The following MYOM1 variants were observed in gnomAD, a reference collection of about 807,000 sequenced individuals.
MYOM1 encodes myomesin-1.
In MYOM1, 164 loss-of-function variants were observed where a neutral mutation model predicts 205.3. The ratio of observed to expected loss-of-function variants is 0.80; its 90% CI spans 0.70 to 0.91. The LOEUF (loss-of-function observed/expected upper bound fraction) is 0.91. Among genes scored for constraint, MYOM1 ranks in the 40% least tolerant of loss-of-function variants. The pLI, the probability that MYOM1 is intolerant of heterozygous loss-of-function variation, is 0.00. For missense variants in MYOM1, 2,011 were observed against 2,127.3 expected, an observed-to-expected ratio of 0.95 and a Z score of 1.08; for synonymous variants, 772 against 789.4, an observed-to-expected ratio of 0.98 and a Z score of 0.37.
intron 13 of MYOM1, among the ~76,000 whole-genome samples, 165 bp downstream of exon 13, chr18:3,148,980 A>T (rs955529373): frequency 6.6e-6 from 1 of 152,090 alleles, no homozygotes; most frequent in Non-Finnish European, 1.5e-5. Flanking sequence ...AGAAAGCTTT[A>T]AAAATAAAAT....
At chr18:3,230,676 C>T in the MYOM1 span, among the ~76,000 whole-genome samples, 11 of 152,196 alleles carry the variant, frequency 7.2e-5, no homozygotes, top group Non-Finnish European at 1.2e-4. Flanking sequence ...CTTCCTTTAC[C>T]TAGGGTGTAC....
chr18:3,162,569 C>A (rs1209976485), intron 10 of MYOM1, among the ~76,000 whole-genome samples: 1 of 152,134 alleles, frequency 6.6e-6, no homozygotes, highest in Admixed American at 6.5e-5. Flanking sequence ...ACATTGTTTT[C>A]TTGTGCCTCT....
chr18:3,100,300 T>C lies in MYOM1; in HGVS notation c.3682+20A>G. The stretch of plus-strand genomic sequence containing the variant: ...TTCAAAGCAACATTCGATGTGTGAA[T>C]GCACTGATTTTAAACTTACCTTCCT... On this transcript the variant is annotated intron_variant, in intron 24 of 37. Coordinates refer to ENST00000356443, the MANE Select transcript of MYOM1 (RefSeq NM_003803.4). The C allele has an allele frequency of 6.2e-7, 1 of 1,612,340 alleles. No individual in the cohort carries two copies.
Position 3,067,309 on chromosome 18 carries a change from T to C in MYOM1, c.5011A>G (p.Arg1671Gly). The C allele has an allele frequency of 6.2e-7, 1 of 1,611,240 alleles. No individual in the cohort carries two copies. Among genetic ancestry groups the C allele is most frequent in the Non-Finnish European group, 8.5e-7 (1 of 1,179,524 alleles). Residue 1671 changes from arginine to glycine, a missense_variant, in exon 38 of 38, where the codon AGG (arginine) becomes GGG (glycine). Arg to Gly is a moderately radical substitution (Grantham distance 125, BLOSUM62 -2). Coordinates refer to ENST00000356443, the MANE Select transcript of MYOM1 (RefSeq NM_003803.4). Reference protein sequence around the residue: ...VSVFIPEEEARMAALESLKGG... With the variant: ...VSVFIPEEEAGMAALESLKGG... ...TTCAGGGACTCCAAGGCGGCCATCC[T>C]CGCCTCCTCCTCTGGGATGAACACG...
chr18:3,136,378 C>T (rs903739157), intron 14 of MYOM1, among the ~76,000 whole-genome samples: 1 of 151,794 alleles, frequency 6.6e-6, no homozygotes, highest in Admixed American at 6.6e-5. Context: ...TTTTGAGGAT[C>T]GTTTGGGGTC....
At chr18:3,067,591 A>C in intron 37 of MYOM1, 36 bp from the exon 38 acceptor site, 2 of 1,590,582 alleles carry the variant, frequency 1.3e-6, no homozygotes, top group Non-Finnish European at 1.7e-6. Flanking sequence ...AAGAAGATAA[A>C]TTAGATGTAA....
At position 3,141,919 on chromosome 18, in the gene MYOM1, T is replaced by A. The variant is rs1025175403; in HGVS notation, c.2025+20A>T. On this transcript the variant is annotated intron_variant, in intron 14 of 37. Coordinates refer to ENST00000356443, the MANE Select transcript of MYOM1 (RefSeq NM_003803.4). ...ATCCTTAGGAGGTAGTATGAGGTCA[T>A]GTTGATTCTAGAGTCTTACCTTTTC... 2 of 1,613,170 alleles carry A rather than the reference T, an allele frequency of 1.2e-6. No individual in the cohort carries two copies. Among genetic ancestry groups the A allele is most frequent in the African/African-American group, 2.7e-5 (2 of 74,922 alleles).
At chr18:3,187,794 G>C (rs2080840314) in intron 4 of MYOM1, among the ~76,000 whole-genome samples, 157 bp from the exon 5 acceptor site, 2 of 151,058 alleles carry the variant, frequency 1.3e-5, no homozygotes, top group Non-Finnish European at 2.9e-5. Flanking sequence ...TCCCTTTTAA[G>C]AACAGAGGTA....
At position 3,188,993 on chromosome 18, in the gene MYOM1, C is replaced by G. The variant is rs1459496752; in HGVS notation, c.526G>C (p.Glu176Gln). Residue 176 changes from glutamate (E) to glutamine (Q), a missense_variant, in exon 4 of 38, where the codon GAA becomes CAA. Transcript: ENST00000356443. ...IAQRNLLASEEGITTSKQSTA... is the reference protein window; with the variant it reads ...IAQRNLLASEQGITTSKQSTA... Reference sequence around the variant, plus strand: ...GACTGTTTAGATGTTGTGATTCCTTCCTCACTAGCAAGAAGATTCCTCTGG... The same window carrying G: ...GACTGTTTAGATGTTGTGATTCCTTGCTCACTAGCAAGAAGATTCCTCTGG... The G allele has an allele frequency of 6.2e-7, 1 of 1,613,460 alleles. No homozygotes were observed. The highest frequency in any genetic ancestry group is 1.7e-5 in the Admixed American group (1 of 59,940).
At chr18:3,075,633 G>A in intron 35 of MYOM1, 92 bp downstream of exon 35, 1 of 1,457,518 alleles carries the variant, frequency 6.9e-7, no homozygotes, top group Non-Finnish European at 9.6e-7. Flanking sequence ...TGAAATAAAA[G>A]GCTCTTTCTA....
At chr18:3,192,309 T>G (rs1405693183) in intron 3 of MYOM1, among the ~76,000 whole-genome samples, 1 of 152,168 alleles carries the variant, frequency 6.6e-6, no homozygotes, top group African/African-American at 2.4e-5. Context: ...GCATCCATAC[T>G]TAGCAGTGAA....
At chr18:3,136,142 G>T (rs938250321) in intron 14 of MYOM1, among the ~76,000 whole-genome samples, 5 of 152,064 alleles carry the variant, frequency 3.3e-5, no homozygotes, top group Non-Finnish European at 7.4e-5. Flanking sequence ...CTGCCACCGT[G>T]TAAGACGTGC....
the MYOM1 span, among the ~76,000 whole-genome samples, chr18:3,241,676 C>A: frequency 6.6e-6 from 1 of 152,216 alleles, no homozygotes; most frequent in Non-Finnish European, 1.5e-5. Context: ...GAGAAGAGGA[C>A]CACTGTCCTC....
Position 3,215,060 on chromosome 18 carries a change from C to T in MYOM1, c.164G>A (p.Arg55His). 5 of 1,613,378 alleles carry T rather than the reference C, an allele frequency of 3.1e-6. No individual in the cohort carries two copies. The highest frequency in any genetic ancestry group is 4.2e-6 in the Non-Finnish European group (5 of 1,179,752). ...CCGACGGAAGGCCTCGGACTCCCGG[C>T]GGTGCGCGGCGGAGGAGCGGCTGCT... ...AYSSRSSAAHRRESEAFRRAS... is the reference protein window; with the variant it reads ...AYSSRSSAAHHRESEAFRRAS... The change falls in exon 2 of 38, where the codon CGC (arginine) becomes CAC (histidine). Residue 55 changes from arginine (R) to histidine (H), a missense_variant. Arg to His is a conservative substitution (Grantham distance 29). Transcript: ENST00000356443.
intron 2 of MYOM1, among the ~76,000 whole-genome samples, chr18:3,198,620 C>A (rs930223613): frequency 2.6e-5 from 4 of 151,954 alleles, no homozygotes; most frequent in Admixed American, 2.6e-4. Flanking sequence ...CCCGTCTCTA[C>A]TAAAAATACA....
chr18:3,224,056 G>A (rs1445134128), upstream of MYOM1, among the ~76,000 whole-genome samples: 25 of 149,176 alleles, frequency 1.7e-4, no homozygotes, highest in Non-Finnish European at 3.3e-4. Context: ...TGAGACACAG[G>A]CTCACTGTGT....
chr18:3,094,394 ACC>A (rs2079271540), intron 25 of MYOM1, 88 bp from the exon 26 acceptor site: 1 of 919,742 alleles, frequency 1.1e-6, no homozygotes, highest in Non-Finnish European at 1.6e-6. Flanking sequence ...AAAAAAAAAA[ACC>A]ACACAATGGA....
chr18:3,193,343 T>C (rs1354242052), intron 3 of MYOM1, among the ~76,000 whole-genome samples: 1,357 of 128,258 alleles, frequency 0.011, 17 homozygotes, highest in African/African-American at 0.033. Flanking sequence ...TATATGTACA[T>C]ATACATATAT....
At chr18:3,229,878 A>C in the MYOM1 span, among the ~76,000 whole-genome samples, 1 of 149,452 alleles carries the variant, frequency 6.7e-6, no homozygotes, top group Non-Finnish European at 1.5e-5. Context: ...ATGAAGCAGG[A>C]GAATGGAGAA....
Sources: gnomAD v4.1 joint callset for allele counts (sites outside exome capture counted in the v4.1 genomes callset) on GRCh38, gnomAD v4.1.1 for gene constraint, MANE v1.5 for transcripts, NCBI Gene and HGNC (gene_info 2026-07-23, HGNC 2026-07-21) for gene names.